The following MFSD11 variants were observed in gnomAD, a reference collection of about 807,000 sequenced individuals.
The protein encoded by MFSD11 is major facilitator superfamily domain containing 11.
MFSD11 carries 36 observed loss-of-function variants against 53.5 expected under a neutral mutation model. The observed-to-expected ratio is 0.67, with a 90% confidence interval of 0.52 to 0.89. The LOEUF (loss-of-function observed/expected upper bound fraction) is 0.89, where lower values mean the gene tolerates loss of function less well. Among genes scored for constraint, MFSD11 ranks in the 40% least tolerant of loss-of-function variants. The pLI, the probability that MFSD11 is intolerant of heterozygous loss-of-function variation, is 0.00. For synonymous variants in MFSD11, 186 were observed against 184.9 expected, an observed-to-expected ratio of 1.01 and a Z score of -0.05; for missense variants, 530 against 543.9, an observed-to-expected ratio of 0.97 and a Z score of 0.25.
At chr17:76,737,932 A>C, upstream of MFSD11, 1 of 201,876 alleles carries the variant, frequency 5.0e-6, no homozygotes. Flanking sequence ...ACCCGGGACT[A>C]CGTTTCCCAG....
At chr17:76,777,294 C>G (rs1230986102) in intron 12 of MFSD11, among the ~76,000 whole-genome samples, 1 of 151,254 alleles carries the variant, frequency 6.6e-6, no homozygotes, top group Non-Finnish European at 1.5e-5. Flanking sequence ...AAAAGACAGT[C>G]TCACTCTGTA....
chr17:76,764,855 T>G (rs749830237), intron 8 of MFSD11, among the ~76,000 whole-genome samples: 3 of 152,232 alleles, frequency 2.0e-5, no homozygotes, highest in African/African-American at 7.2e-5. Context: ...TTGTTTTCCA[T>G]GTTCGCTGTA....
Position 76,742,088 on chromosome 17 carries a change from G to C in MFSD11, c.340+40G>C, listed in dbSNP as rs745977680. 3 of 1,613,986 alleles carry C rather than the reference G, an allele frequency of 1.9e-6. No individual in the cohort carries two copies. In the East Asian group the frequency reaches 6.7e-5, roughly 36 times the overall value. ...TTTTAACTTCTCTGCTTTCTTTTCT[G>C]GGGCCTATCTAAGGGTATTATTTAT... On this transcript the variant is annotated intron_variant, in intron 4 of 12. Transcript: ENST00000685175.
upstream of MFSD11, chr17:76,738,061 C>A: frequency 2.3e-6 from 1 of 430,978 alleles, no homozygotes; most frequent in Non-Finnish European, 4.1e-6. Flanking sequence ...GCCCTTTAAT[C>A]CCCTTCGTGG....
chr17:76,775,210 G>A, intron 11 of MFSD11, 39 bp downstream of exon 11: 1 of 1,596,604 alleles, frequency 6.3e-7, no homozygotes, highest in Non-Finnish European at 8.6e-7. Context: ...TTGAGTACGG[G>A]TGGGAGGTAA....
At chr17:76,788,863 C>T in the MFSD11 span, among the ~76,000 whole-genome samples, 12 of 145,334 alleles carry the variant, frequency 8.3e-5, no homozygotes, top group Admixed American at 2.8e-4. Context: ...TAAATAAGAT[C>T]GGACGTGGTG....
chr17:76,741,101 A>T, intron 3 of MFSD11, 37 bp downstream of exon 3: 2 of 1,185,026 alleles, frequency 1.7e-6, no homozygotes, highest in Non-Finnish European at 2.5e-6. Flanking sequence ...TAATCAGAAC[A>T]CTTGTCAGGA....
At chr17:76,761,296 C>A (rs1238767157) in intron 8 of MFSD11, among the ~76,000 whole-genome samples, 1 of 152,160 alleles carries the variant, frequency 6.6e-6, no homozygotes, top group South Asian at 2.1e-4. Flanking sequence ...TGTTTATAAC[C>A]TTTGCCCCAG....
intron 8 of MFSD11, among the ~76,000 whole-genome samples, chr17:76,758,581 CAAAA>C (rs56750819): frequency 1.7e-5 from 1 of 58,052 alleles, no homozygotes; most frequent in African/African-American, 6.1e-5. Flanking sequence ...GACCAGGTCT[CAAAA>C]AAAAAAAAAA....
chr17:76,772,739 A>C lies in MFSD11; in HGVS notation c.875-2258A>C, dbSNP rs554270537. On this transcript the variant is annotated intron_variant, in intron 10 of 12. Coordinates refer to ENST00000685175, the MANE Select transcript of MFSD11 (RefSeq NM_001242532.5). ...CACCATGTTGGCCAGGCTGGTCTCA[A>C]TCTCCTGACCTCTTGATCCACCCAC... Among the ~76,000 whole-genome samples the C allele has an allele frequency of 3.3e-5, 5 of 152,054 alleles. No individual in the cohort carries two copies. In the South Asian group the frequency reaches 8.3e-4, roughly 25 times the overall value.
At chr17:76,756,551 A>G (rs1207387118) in intron 8 of MFSD11, among the ~76,000 whole-genome samples, 2 of 152,140 alleles carry the variant, frequency 1.3e-5, no homozygotes, top group Non-Finnish European at 2.9e-5. Context: ...CAGGCCTAGA[A>G]ACTTGTCTGT....
At chr17:76,796,536 A>C in the MFSD11 span, among the ~76,000 whole-genome samples, 1 of 152,280 alleles carries the variant, frequency 6.6e-6, no homozygotes, top group East Asian at 1.9e-4. Context: ...CTGGGTGTTC[A>C]ACAATTCAGT....
chr17:76,763,497 CAAGTGAT>C (rs2080490440), intron 8 of MFSD11, among the ~76,000 whole-genome samples: 1 of 152,090 alleles, frequency 6.6e-6, no homozygotes, highest in Non-Finnish European at 1.5e-5. Context: ...TTCCTGATCT[CAAGTGAT>C]CCACCCGCCT....
chr17:76,753,491 G>T (rs761526901), intron 7 of MFSD11, among the ~76,000 whole-genome samples: 3 of 151,960 alleles, frequency 2.0e-5, no homozygotes, highest in Middle Eastern at 3.2e-3. Flanking sequence ...TGGCAACATG[G>T]TGAGACCCCG....
At chr17:76,742,091 G>C in intron 4 of MFSD11, 43 bp downstream of exon 4, 1 of 1,613,962 alleles carries the variant, frequency 6.2e-7, no homozygotes, top group Non-Finnish European at 8.5e-7. Context: ...CTTTTCTGGG[G>C]CCTATCTAAG....
chr17:76,793,311 C>T, the MFSD11 span, among the ~76,000 whole-genome samples: 2 of 151,366 alleles, frequency 1.3e-5, no homozygotes, highest in Non-Finnish European at 2.9e-5. Flanking sequence ...AGAGGCCTAC[C>T]CTCAGGGCCG....
At chr17:76,781,567 C>T (rs2082165056), downstream of MFSD11, 1 of 152,198 alleles carries the variant, frequency 6.6e-6, no homozygotes, top group African/African-American at 2.4e-5. Flanking sequence ...TCGCATTCTC[C>T]AGGCCCTTGC....
At chr17:76,765,953 T>C (rs2080811443) in intron 8 of MFSD11, among the ~76,000 whole-genome samples, 1 of 151,652 alleles carries the variant, frequency 6.6e-6, no homozygotes, top group Admixed American at 6.6e-5. Flanking sequence ...GAGCCTACAC[T>C]GACATGTCGT....
At chr17:76,801,364 CAAAAAAAAAA>C in the MFSD11 span, among the ~76,000 whole-genome samples, 2 of 72,240 alleles carry the variant, frequency 2.8e-5, no homozygotes, top group East Asian at 4.7e-4. Context: ...GGCTCTGTCT[CAAAAAAAAAA>C]AAAAAAAAAA....
Sources: allele counts gnomAD v4.1 joint callset (sites outside exome capture counted in the v4.1 genomes callset), GRCh38; gene constraint gnomAD v4.1.1; transcripts MANE v1.5; gene names NCBI Gene and HGNC (gene_info 2026-07-23, HGNC 2026-07-21).